MANBA: variants seen among roughly 807,000 people sequenced by gnomAD.
The protein encoded by MANBA is beta-mannosidase.
In MANBA, 83 loss-of-function variants were observed where a neutral mutation model predicts 111.1. The observed-to-expected ratio is 0.75, with a 90% CI of 0.63 to 0.90. MANBA has a LOEUF of 0.90. Ranked by LOEUF, MANBA falls within the 40% of genes least tolerant of loss-of-function variation. The pLI is 0.00. For synonymous variants in MANBA, 370 were observed against 378.7 expected, an observed-to-expected ratio of 0.98 and a Z score of 0.27; for missense variants, 1,036 against 1,069.0, an observed-to-expected ratio of 0.97 and a Z score of 0.43.
intron 11 of MANBA, among the ~76,000 whole-genome samples, chr4:102,658,299 T>C (rs1386806159): frequency 6.6e-6 from 1 of 152,116 alleles, no homozygotes; most frequent in Non-Finnish European, 1.5e-5. Context: ...GGATATTTAG[T>C]AGCATCCCTG....
At chr4:102,704,998 G>A (rs1190540334) in intron 5 of MANBA, among the ~76,000 whole-genome samples, 1 of 152,146 alleles carries the variant, frequency 6.6e-6, no homozygotes, top group Non-Finnish European at 1.5e-5. Context: ...AGCGGCATCT[G>A]GTATTTGCCA....
chr4:102,699,762 G>C (rs1029964816), intron 5 of MANBA, among the ~76,000 whole-genome samples: 5 of 151,070 alleles, frequency 3.3e-5, no homozygotes, highest in African/African-American at 1.2e-4. Context: ...CGGTTTGCCA[G>C]TATTTTATTG....
intron 1 of MANBA, chr4:102,727,217 G>T: frequency 2.4e-6 from 1 of 414,700 alleles, no homozygotes; most frequent in South Asian, 2.5e-5. Flanking sequence ...TTTCCTGGAA[G>T]ATGCTAAATG....
At chr4:102,685,964 A>G (rs954345675) in intron 7 of MANBA, among the ~76,000 whole-genome samples, 11 of 152,090 alleles carry the variant, frequency 7.2e-5, no homozygotes, top group Non-Finnish European at 2.9e-5. Flanking sequence ...GTGTCCTTTC[A>G]ATGTGTCACA....
At chr4:102,714,787 C>T (rs1722250596) in intron 4 of MANBA, among the ~76,000 whole-genome samples, 1 of 152,200 alleles carries the variant, frequency 6.6e-6, no homozygotes, top group African/African-American at 2.4e-5. Context: ...AGCCGATCTC[C>T]TCTGTTTGCA....
chr4:102,683,253 C>T (rs1182508261), intron 7 of MANBA, among the ~76,000 whole-genome samples: 1 of 151,894 alleles, frequency 6.6e-6, no homozygotes, highest in Non-Finnish European at 1.5e-5. Context: ...TCATTCACCT[C>T]CTCTGGCTTG....
At chr4:102,634,658 C>T (rs1578855346) in intron 16 of MANBA, 130 bp downstream of exon 16, 2 of 1,253,720 alleles carry the variant, frequency 1.6e-6, no homozygotes, top group East Asian at 2.3e-5. Context: ...GGCCAATCTT[C>T]CCCCAGGCCT....
At chr4:102,706,573 T>A (rs925212802) in intron 5 of MANBA, among the ~76,000 whole-genome samples, 1 of 152,060 alleles carries the variant, frequency 6.6e-6, no homozygotes, top group African/African-American at 2.4e-5. Flanking sequence ...TATGACACTT[T>A]CAAAGGAACA....
At chr4:102,735,336 A>G (rs1418168360) in intron 1 of MANBA, among the ~76,000 whole-genome samples, 1 of 151,998 alleles carries the variant, frequency 6.6e-6, no homozygotes, top group African/African-American at 2.4e-5. Flanking sequence ...CCTTCAACCC[A>G]TCATAGCACG....
intron 1 of MANBA, among the ~76,000 whole-genome samples, chr4:102,749,969 A>G (rs1463228437): frequency 6.6e-6 from 1 of 152,222 alleles, no homozygotes; most frequent in Non-Finnish European, 1.5e-5. Context: ...ATCAAACAAG[A>G]AAGTATATGT....
chr4:102,683,642 C>T (rs1326889594), intron 7 of MANBA, among the ~76,000 whole-genome samples: 2 of 152,028 alleles, frequency 1.3e-5, no homozygotes, highest in African/African-American at 2.4e-5. Flanking sequence ...TTTTTTATTC[C>T]ATTTACCCAG....
At chr4:102,677,545 G>T (rs1731780881) in intron 7 of MANBA, among the ~76,000 whole-genome samples, 1 of 152,050 alleles carries the variant, frequency 6.6e-6, no homozygotes, top group African/African-American at 2.4e-5. Context: ...ATAGACAAAT[G>T]AATTTTAATG....
intron 1 of MANBA, among the ~76,000 whole-genome samples, chr4:102,753,196 T>G (rs1397651404): frequency 6.6e-6 from 1 of 152,136 alleles, no homozygotes; most frequent in Admixed American, 6.5e-5. Flanking sequence ...AAGTAGCTAA[T>G]AAAACCACCT....
At chr4:102,644,883 T>TC (rs1730034372) in intron 13 of MANBA, among the ~76,000 whole-genome samples, 6 of 152,112 alleles carry the variant, frequency 3.9e-5, no homozygotes, top group South Asian at 2.1e-4. Context: ...TATATATTTT[T>TC]AATTTATCAA....
intron 13 of MANBA, 127 bp from the exon 14 acceptor site, chr4:102,639,984 G>T: frequency 1.0e-6 from 1 of 960,010 alleles, no homozygotes; most frequent in Non-Finnish European, 1.6e-6. Context: ...TAAAATTAGG[G>T]AATTTAATTA....
In MANBA at chr4:102,671,318, T is replaced by A. The variant is rs770780641; in HGVS notation, c.1193A>T (p.Asp398Val). 1 of 1,600,262 alleles carries A rather than the reference T, an allele frequency of 6.2e-7. No homozygotes were observed. Among genetic ancestry groups the A allele is most frequent in the East Asian group, 2.2e-5 (1 of 44,722 alleles). Residue 398 changes from aspartate (D) to valine (V), a missense_variant, in exon 9 of 17, where the codon GAT (aspartate) becomes GTT (valine). Physicochemically the swap from Asp to Val is radical, Grantham distance 152. Transcript: ENST00000647097. ...TTCATCACAGAGTTCATAGAATTCA[T>A]CCTGCTCATAAATTCCTCCTCCCCA... Reference protein sequence around the residue: ...RVWGGGIYEQDEFYELCDELG... With the variant: ...RVWGGGIYEQVEFYELCDELG...
chr4:102,665,990 C>A (rs2110218065), intron 10 of MANBA: 1 of 152,240 alleles, frequency 6.6e-6, no homozygotes, highest in East Asian at 1.9e-4. Context: ...TCTCAGCCAG[C>A]CATATAAACA....
At position 102,754,718 on chromosome 4, in the gene MANBA, G is replaced by A. The variant is rs112131421; in HGVS notation, c.177+6000C>T. The stretch of plus-strand genomic sequence containing the variant: ...ACTACAGGTGCTGGCCACCACGCCG[G>A]ACTAATTTTTTGTATTTTTAGTAGA... On this transcript the variant is annotated intron_variant, in intron 1 of 16. Coordinates refer to ENST00000647097, the MANE Select transcript of MANBA (RefSeq NM_005908.4). Among the ~76,000 whole-genome samples the A allele has an allele frequency of 1.5e-3, 235 of 152,058 alleles. 5 individuals are homozygous for A. Among genetic ancestry groups the A allele is most frequent in the African/African-American group, 5.5e-3 (230 of 41,470 alleles).
intron 7 of MANBA, among the ~76,000 whole-genome samples, chr4:102,687,325 G>T (rs146546865): frequency 2.0e-5 from 3 of 152,058 alleles, no homozygotes; most frequent in African/African-American, 7.2e-5. Context: ...CTTCCAATCT[G>T]ATCTACACAA....
Sources: gnomAD v4.1 joint callset for allele counts (sites outside exome capture counted in the v4.1 genomes callset) on GRCh38, gnomAD v4.1.1 for gene constraint, MANE v1.5 for transcripts, NCBI Gene and HGNC (gene_info 2026-07-23, HGNC 2026-07-21) for gene names.